The following JUP variants were observed in gnomAD, a reference collection of about 807,000 sequenced individuals.
The protein encoded by JUP is junction plakoglobin, also known as catenin (cadherin-associated protein), gamma 80kDa.
In JUP, 28 loss-of-function variants were observed where a neutral mutation model predicts 71.1. That is an observed-to-expected ratio of 0.39 (90% CI 0.29 to 0.54). The LOEUF is 0.54. Among genes scored for constraint, JUP ranks in the 20% least tolerant of loss-of-function variants. The pLI is 0.62. For missense variants in JUP, 869 were observed against 1,030.1 expected (o/e 0.84, Z 2.14); for synonymous variants, 401 against 438.9 (o/e 0.91, Z 1.08).
At chr17:41,783,658 CG>C (rs2047289388) in intron 1 of JUP, among the ~76,000 whole-genome samples, 2 of 151,940 alleles carry the variant, frequency 1.3e-5, no homozygotes. Context: ...AGGTGGCTCA[CG>C]CCTGTAATCC....
At chr17:41,781,762 GA>G (rs1406755394) in intron 1 of JUP, among the ~76,000 whole-genome samples, 1 of 152,204 alleles carries the variant, frequency 6.6e-6, no homozygotes, top group African/African-American at 2.4e-5. Context: ...GCCCTCATCA[GA>G]GAAGAGTCAA....
chr17:41,758,627 G>C, intron 9 of JUP, 88 bp downstream of exon 9: 9 of 1,576,954 alleles, frequency 5.7e-6, no homozygotes, highest in Non-Finnish European at 7.8e-6. Context: ...GGCATCAGTT[G>C]CAACTGACCT....
At position 41,763,149 on chromosome 17, in the gene JUP, C is replaced by A; in HGVS notation, c.1331G>T (p.Arg444Leu). 6.2e-7 allele frequency: 1 copy of A among 1,614,240 alleles called. No homozygotes were observed. The highest frequency in any genetic ancestry group is 1.1e-5 in the South Asian group (1 of 91,092). Residue 444 changes from arginine to leucine, a missense_variant, in exon 8 of 14, where the codon CGT (arginine) becomes CTT (leucine). Physicochemically the swap from Arg to Leu is moderately radical, Grantham distance 102. Coordinates refer to ENST00000393931, the MANE Select transcript of JUP (RefSeq NM_002230.4). The part of the protein sequence containing the change: ...GVEALIHAIL[R>L]AGDKDDITEP... Reference sequence around the variant, plus strand: ...CGTGATGTCGTCCTTGTCACCAGCACGCAGGATGGCATGGATGAGAGCCTC... The same window carrying A: ...CGTGATGTCGTCCTTGTCACCAGCAAGCAGGATGGCATGGATGAGAGCCTC...
chr17:41,766,257 AG>A (rs1264002500), intron 5 of JUP, among the ~76,000 whole-genome samples: 1 of 151,920 alleles, frequency 6.6e-6, no homozygotes, highest in Non-Finnish European at 1.5e-5. Flanking sequence ...GTCTCAAAAA[AG>A]AAAGAAAAGG....
intron 1 of JUP, among the ~76,000 whole-genome samples, chr17:41,782,173 C>T (rs1484733487): frequency 6.6e-6 from 1 of 152,164 alleles, no homozygotes; most frequent in Non-Finnish European, 1.5e-5. Context: ...GGCAGAGACA[C>T]CAGAACCAGG....
At chr17:41,786,359 T>A (rs1256068527) in intron 1 of JUP, 1 of 151,856 alleles carries the variant, frequency 6.6e-6, no homozygotes, top group Non-Finnish European at 1.5e-5. Flanking sequence ...TCCGGATCCC[T>A]CCCCGCCTTG....
intron 4 of JUP, among the ~76,000 whole-genome samples, chr17:41,767,931 A>G (rs1555604765): frequency 3.3e-5 from 5 of 152,204 alleles, no homozygotes; most frequent in Non-Finnish European, 4.4e-5. Flanking sequence ...GAGTGAAATC[A>G]GTGTCTCCCC....
Position 41,762,123 on chromosome 17 carries a change from CAGAGAGAGAGAGAGAG to C in JUP, c.1497+844_1497+859del, listed in dbSNP as rs528611507. On this transcript the variant is annotated intron_variant, in intron 8 of 13. Transcript: ENST00000393931. ...CCTCTGCAGCAGGCCTGCAGAGAGA[CAGAGAGAGAGAGAGAG>C]AGAGAGAGAGAGAGAGAGAGAGAGA... Among the ~76,000 whole-genome samples the C allele has an allele frequency of 8.2e-3, 564 of 69,132 alleles. 6 individuals are homozygous for C. Among genetic ancestry groups the C allele is most frequent in the East Asian group, 0.029 (49 of 1,686 alleles). 45.4% of individuals were successfully genotyped at this position (69,132 alleles called of 152,430 possible). A position where few individuals can be genotyped will look rare whatever the true frequency, so the allele number is the denominator to read the frequency against.
At chr17:41,781,246 G>A (rs7215680) in intron 1 of JUP, among the ~76,000 whole-genome samples, 2,596 of 150,880 alleles carry the variant, frequency 0.017, 92 homozygotes, top group African/African-American at 0.061. Flanking sequence ...TCCCAGCTAC[G>A]CGGGAGGCTG....
intron 4 of JUP, among the ~76,000 whole-genome samples, chr17:41,768,381 A>G (rs782092774): frequency 9.9e-5 from 14 of 141,474 alleles, no homozygotes; most frequent in Non-Finnish European, 1.8e-4. Flanking sequence ...CCTGGGCAAC[A>G]GGAGGAAAAC....
intron 1 of JUP, among the ~76,000 whole-genome samples, chr17:41,783,777 G>C (rs1370982297): frequency 3.3e-5 from 5 of 151,740 alleles, no homozygotes; most frequent in Admixed American, 6.6e-5. Context: ...AAATCAGCCG[G>C]GGGTGGTGGC....
At chr17:41,760,758 A>C (rs1555600799) in intron 8 of JUP, among the ~76,000 whole-genome samples, 1 of 151,078 alleles carries the variant, frequency 6.6e-6, no homozygotes, top group Non-Finnish European at 1.5e-5. Context: ...GCGGGGACTT[A>C]CTATGTTGGC....
In JUP at chr17:41,758,826, G is replaced by T; in HGVS notation, c.1542C>A (p.Asn514Lys). Residue 514 changes from asparagine to lysine, a missense_variant, in exon 9 of 14, where the codon AAC (asparagine) becomes AAA (lysine). By Grantham distance (94) the Asn-to-Lys change is moderately conservative. Coordinates refer to ENST00000393931, the MANE Select transcript of JUP (RefSeq NM_002230.4). ...CCGCTGCCTCCTGCAGCGGGGCATG[G>T]TTGGCTGGGCACAGGGCCAGATTCC... is the stretch of plus-strand genomic sequence containing the variant. ...LIRNLALCPA[N>K]HAPLQEAAVI... 6.2e-7 allele frequency: 1 copy of T among 1,610,704 alleles called. No homozygotes were observed. Among genetic ancestry groups the T allele is most frequent in the Non-Finnish European group, 8.5e-7 (1 of 1,177,898 alleles).
chr17:41,783,928 G>C (rs2047316011), intron 1 of JUP, among the ~76,000 whole-genome samples: 1 of 149,626 alleles, frequency 6.7e-6, no homozygotes, highest in South Asian at 2.1e-4. Flanking sequence ...GAAAGTGCTT[G>C]GTTTCTGTAA....
At chr17:41,756,693 C>T (rs1913844668) in intron 12 of JUP, among the ~76,000 whole-genome samples, 1 of 151,962 alleles carries the variant, frequency 6.6e-6, no homozygotes, top group African/African-American at 2.4e-5. Context: ...GGTCAGGAGA[C>T]AATCGAGATC....
At position 41,757,747 on chromosome 17, in the gene JUP, G is replaced by C; in HGVS notation, c.1811C>G (p.Ala604Gly). The C allele has an allele frequency of 6.2e-7, 1 of 1,612,482 alleles. No homozygotes were observed. Among genetic ancestry groups the C allele is most frequent in the Non-Finnish European group, 8.5e-7 (1 of 1,179,094 alleles). Residue 604 changes from alanine (A) to glycine (G), a missense_variant, in exon 11 of 14, where the codon GCT (alanine) becomes GGT (glycine). Coordinates refer to ENST00000393931, the MANE Select transcript of JUP (RefSeq NM_002230.4). Reference protein sequence around the residue: ...YSSVENIQRVAAGVLCELAQD... With the variant: ...YSSVENIQRVGAGVLCELAQD... ...GGCCAGCTCACACAGCACCCCGGCA[G>C]CCACGCGCTGGATGTTCTCCACCGA...
chr17:41,761,753 C>CAA lies in JUP; in HGVS notation c.1497+1228_1497+1229dup, dbSNP rs1180310607. Among the ~76,000 whole-genome samples the CAA allele has an allele frequency of 9.3e-3, 716 of 76,770 alleles. 14 individuals carry two copies. Among genetic ancestry groups the CAA allele is most frequent in the African/African-American group, 0.032 (679 of 20,996 alleles). The allele number at this position is 76,770 out of a possible 152,430, so 50.4% of individuals were successfully genotyped here. A position where few individuals can be genotyped will look rare whatever the true frequency, so the allele number is the denominator to read the frequency against. Reference sequence around the variant, plus strand: ...GGGCAATAAGAGCAAAACTCCGTCTCAAAAAAAAAAAAAAAAAGAAGAAAT... The same window carrying CAA: ...GGGCAATAAGAGCAAAACTCCGTCTCAAAAAAAAAAAAAAAAAAAGAAGAAAT... On this transcript the variant is annotated intron_variant, in intron 8 of 13. Transcript: ENST00000393931.
In JUP at chr17:41,757,544, G is replaced by T; in HGVS notation, c.1925-8C>A. On this transcript the variant is annotated splice_polypyrimidine_tract_variant and splice_region_variant and intron_variant, in intron 11 of 13. Coordinates refer to ENST00000393931, the MANE Select transcript of JUP (RefSeq NM_002230.4). The stretch of plus-strand genomic sequence containing the variant: ...CGGCAGCAGCGTAGGTGGCTGAGCA[G>T]AGAGGAAAGGAAAAGCCAGGTTAAA... The T allele has an allele frequency of 6.2e-7, 1 of 1,614,232 alleles. No individual in the cohort carries two copies. The highest frequency in any genetic ancestry group is 8.5e-7 in the Non-Finnish European group (1 of 1,180,044).
chr17:41,779,114 T>C (rs1474475530), intron 1 of JUP, among the ~76,000 whole-genome samples: 1 of 150,592 alleles, frequency 6.6e-6, no homozygotes, highest in Non-Finnish European at 1.5e-5. Context: ...CAGGTGCCTG[T>C]AATCCCAGCT....
Sources: allele counts gnomAD v4.1 joint callset (sites outside exome capture counted in the v4.1 genomes callset), GRCh38; gene constraint gnomAD v4.1.1; transcripts MANE v1.5; gene names NCBI Gene and HGNC (gene_info 2026-07-23, HGNC 2026-07-21).